The following ZFR variants were observed in gnomAD, a reference collection of about 807,000 sequenced individuals.
ZFR encodes zinc finger RNA-binding protein.
ZFR carries 19 observed loss-of-function variants against 130.7 expected under a neutral mutation model. The ratio of observed to expected loss-of-function variants is 0.15; its 90% CI spans 0.10 to 0.21. The LOEUF (loss-of-function observed/expected upper bound fraction) is 0.21, where lower values mean the gene tolerates loss of function less well. ZFR is among the 10% of genes least tolerant of loss of function. The probability of loss-of-function intolerance (pLI) is 1.00; values close to 1 mark genes in which losing one functional copy is unlikely to be tolerated. For missense variants in ZFR, 872 were observed against 1,321.5 expected (o/e 0.66, Z 5.27); for synonymous variants, 466 against 456.9 (o/e 1.02, Z -0.25).
rs559301826 is a variant in ZFR at position 32,390,171 on chromosome 5, T to C, written c.2142+104A>G. 27 of 1,415,368 alleles carry C rather than the reference T, an allele frequency of 1.9e-5. No individual in the cohort carries two copies. The East Asian group carries it at 2.5e-4, about 13-fold the overall frequency. 87.7% of individuals were successfully genotyped at this position (1,415,368 alleles called of 1,614,324 possible). On this transcript the variant is annotated intron_variant, in intron 12 of 19. Coordinates refer to ENST00000265069, the MANE Select transcript of ZFR (RefSeq NM_016107.5). ...CTCTGTCTCAAAAAAACTACCAAGATTACAAGATTATTAAGTCTAAACATT... is the reference window on the plus strand; with the variant it reads ...CTCTGTCTCAAAAAAACTACCAAGACTACAAGATTATTAAGTCTAAACATT...
At chr5:32,420,479 T>A (rs1753927783) in intron 2 of ZFR, among the ~76,000 whole-genome samples, 1 of 152,216 alleles carries the variant, frequency 6.6e-6, no homozygotes, top group Non-Finnish European at 1.5e-5. Context: ...AGTTCTTTAT[T>A]ATGTTGTACA....
At chr5:32,375,334 T>C (rs1445335993) in intron 17 of ZFR, among the ~76,000 whole-genome samples, 1 of 152,222 alleles carries the variant, frequency 6.6e-6, no homozygotes, top group East Asian at 1.9e-4. Flanking sequence ...TAAAAGGCTA[T>C]ATACCGTCAT....
intron 17 of ZFR, chr5:32,364,494 A>G: frequency 4.1e-6 from 1 of 242,142 alleles, no homozygotes; most frequent in Non-Finnish European, 7.9e-6. Flanking sequence ...ACACTTTGGG[A>G]GGCAGATTGC....
intron 5 of ZFR, among the ~76,000 whole-genome samples, chr5:32,411,714 G>GCGGA (rs1554073348): frequency 1.8e-5 from 1 of 54,612 alleles, no homozygotes; most frequent in Non-Finnish European, 3.3e-5. Context: ...AATTGAGGGG[G>GCGGA]GGCGGGGAAT....
At chr5:32,368,244 T>C (rs1752589486) in intron 17 of ZFR, among the ~76,000 whole-genome samples, 2 of 151,922 alleles carry the variant, frequency 1.3e-5, no homozygotes, top group African/African-American at 4.8e-5. Flanking sequence ...AAAACTTTTT[T>C]CCCCCCCCAA....
chr5:32,424,485 C>G (rs1222077793), intron 2 of ZFR, among the ~76,000 whole-genome samples: 1 of 150,072 alleles, frequency 6.7e-6, no homozygotes, highest in African/African-American at 2.5e-5. Flanking sequence ...GAGCCGAGAT[C>G]GCGCGCCACT....
At chr5:32,395,337 C>A in intron 10 of ZFR, 33 bp from the exon 11 acceptor site, 2 of 1,465,712 alleles carry the variant, frequency 1.4e-6, no homozygotes, top group East Asian at 2.5e-5. Flanking sequence ...TAAAAAACAG[C>A]AGCCCCAAAA....
rs777597226 is a variant in ZFR at position 32,397,346 on chromosome 5, T to TG, written c.1714-9dup. ...TCCTTCATCATTTCGTACCTTGGTG[T>TG]GGAAAAAAAATTCAAGAATCATCAT... On this transcript the variant is annotated splice_polypyrimidine_tract_variant and intron_variant, in intron 9 of 19. Transcript: ENST00000265069. 2 of 1,604,296 alleles carry TG rather than the reference T, an allele frequency of 1.2e-6. No homozygotes were observed. Among genetic ancestry groups the TG allele is most frequent in the Admixed American group, 3.5e-5 (2 of 57,248 alleles).
intron 15 of ZFR, chr5:32,383,747 G>T: frequency 2.2e-6 from 1 of 456,696 alleles, no homozygotes; most frequent in South Asian, 1.5e-5. Flanking sequence ...GCTGCAGTGA[G>T]AGAGAATACA....
intron 5 of ZFR, 112 bp downstream of exon 5, chr5:32,414,857 T>A: frequency 1.1e-6 from 1 of 950,396 alleles, no homozygotes. Context: ...GTCTATCAAT[T>A]AATTTAATTC....
intron 2 of ZFR, among the ~76,000 whole-genome samples, chr5:32,439,801 C>CT (rs1447933635): frequency 1.4e-3 from 84 of 58,530 alleles, no homozygotes; most frequent in African/African-American, 6.4e-3. Context: ...GAGACCATGT[C>CT]TTTAAAAAAA....
chr5:32,428,404 T>C (rs1025936516), intron 2 of ZFR, among the ~76,000 whole-genome samples: 2 of 151,216 alleles, frequency 1.3e-5, no homozygotes, highest in East Asian at 1.9e-4. Context: ...ACAGAGAGAG[T>C]CTGTCTCAAA....
At chr5:32,403,872 A>G (rs1305031943) in intron 7 of ZFR, 34 bp downstream of exon 7, 1 of 1,509,936 alleles carries the variant, frequency 6.6e-7, no homozygotes, top group Admixed American at 2.2e-5. Context: ...TAACAGAATC[A>G]AGGCATAAGG....
At chr5:32,428,076 G>A (rs1754116804) in intron 2 of ZFR, among the ~76,000 whole-genome samples, 1 of 152,164 alleles carries the variant, frequency 6.6e-6, no homozygotes, top group South Asian at 2.1e-4. Context: ...TATTGGATGT[G>A]ACATCAAAAG....
intron 2 of ZFR, among the ~76,000 whole-genome samples, chr5:32,432,389 A>G (rs1754244621): frequency 6.6e-6 from 1 of 152,064 alleles, no homozygotes; most frequent in African/African-American, 2.4e-5. Context: ...TTTGATTTGC[A>G]TTTCTATGGT....
intron 17 of ZFR, among the ~76,000 whole-genome samples, chr5:32,366,188 A>G (rs1329817008): frequency 6.6e-6 from 1 of 152,210 alleles, no homozygotes; most frequent in Non-Finnish European, 1.5e-5. Context: ...TCAGTGATAA[A>G]ATAAACCAAG....
In ZFR at chr5:32,427,519, T is replaced by C. The variant is rs569845599; in HGVS notation, c.138-7416A>G. On this transcript the variant is annotated intron_variant, in intron 2 of 19. Coordinates refer to ENST00000265069, the MANE Select transcript of ZFR (RefSeq NM_016107.5). The stretch of plus-strand genomic sequence containing the variant: ...CACAAATAAATGGAAAGACATCCCA[T>C]GTTCACGGATTAGAAGGCAAACTAT... Among the ~76,000 whole-genome samples, 555 of 152,094 alleles carry C rather than the reference T, an allele frequency of 3.6e-3. 6 individuals are homozygous for C. Among genetic ancestry groups the C allele is most frequent in the African/African-American group, 0.013 (533 of 41,472 alleles).
chr5:32,430,633 G>GT (rs1754187655), intron 2 of ZFR, among the ~76,000 whole-genome samples: 1 of 152,104 alleles, frequency 6.6e-6, no homozygotes, highest in Non-Finnish European at 1.5e-5. Flanking sequence ...AGAATTCACA[G>GT]TAAGATATAT....
rs202226249 is a variant in ZFR, at chr5:32,426,910, A to AC, written c.138-6808_138-6807insG. On this transcript the variant is annotated intron_variant, in intron 2 of 19. Coordinates refer to ENST00000265069, the MANE Select transcript of ZFR (RefSeq NM_016107.5). Reference sequence around the variant, plus strand: ...ACAAAGAAACACTCTTTCTGAAAAAAAAAAAAAAGCATCCTAATTGAAAAA... The same window carrying AC: ...ACAAAGAAACACTCTTTCTGAAAAAACAAAAAAAAGCATCCTAATTGAAAAA... Among the ~76,000 whole-genome samples, 720 of 151,700 alleles carry AC rather than the reference A, an allele frequency of 4.7e-3. 8 individuals are homozygous for AC. Among genetic ancestry groups the AC allele is most frequent in the Middle Eastern group, 0.021 (6 of 292 alleles).
Sources: gnomAD v4.1 joint callset for allele counts (sites outside exome capture counted in the v4.1 genomes callset) on GRCh38, gnomAD v4.1.1 for gene constraint, MANE v1.5 for transcripts, NCBI Gene and HGNC (gene_info 2026-07-23, HGNC 2026-07-21) for gene names.